Variants in INPP5B observed in about 807,000 individuals in gnomAD.
INPP5B encodes the protein inositol polyphosphate-5-phosphatase B, also known as type II inositol 1,4,5-trisphosphate 5-phosphatase.
In INPP5B, 90 loss-of-function variants were observed where a neutral mutation model predicts 118.5. The ratio of observed to expected loss-of-function variants is 0.76; its 90% CI spans 0.64 to 0.90. The LOEUF is 0.90. Ranked by LOEUF, INPP5B falls within the 40% of genes least tolerant of loss-of-function variation. INPP5B has a pLI of 0.00. For synonymous variants in INPP5B, 385 were observed against 418.9 expected (o/e 0.92, Z 0.99); for missense variants, 984 against 1,125.6 (o/e 0.87, Z 1.80).
chr1:37,879,542 C>T (rs139891304), intron 15 of INPP5B, among the ~76,000 whole-genome samples: 1,545 of 151,722 alleles, frequency 0.01, 28 homozygotes, highest in African/African-American at 0.035. Context: ...CTGAGGCAGG[C>T]GGATCACTTG....
intron 5 of INPP5B, among the ~76,000 whole-genome samples, 187 bp from the exon 6 acceptor site, chr1:37,940,985 CATCCCCT>C (rs1159302029): frequency 6.6e-6 from 1 of 152,152 alleles, no homozygotes; most frequent in Non-Finnish European, 1.5e-5. Flanking sequence ...AAATTAACAT[CATCCCCT>C]CTTTATACAG....
intron 17 of INPP5B, among the ~76,000 whole-genome samples, chr1:37,874,850 T>C (rs553611234): frequency 8.5e-5 from 13 of 152,270 alleles, no homozygotes; most frequent in African/African-American, 3.1e-4. Flanking sequence ...TTTGACTTTG[T>C]AGAATGTCAA....
chr1:37,865,736 C>T (rs1641987847), intron 22 of INPP5B, 25 bp downstream of exon 22: 1 of 1,610,166 alleles, frequency 6.2e-7, no homozygotes, highest in African/African-American at 1.3e-5. Context: ...GGGCTAACCA[C>T]ATGCTGCTCA....
At position 37,862,285 on chromosome 1, in the gene INPP5B, G is replaced by A. The variant is rs745882924; in HGVS notation, c.*30C>T. On this transcript the variant is annotated 3_prime_UTR_variant, in exon 24 of 24. Transcript: ENST00000373024. ...AAACAGGTGGGGCTGGTAATTGGCA[G>A]CCTCAAGTAAAATAGGAGGAGAGAG... 6.9e-7 allele frequency: 1 copy of A among 1,449,044 alleles called. No homozygotes were observed. Among genetic ancestry groups the A allele is most frequent in the Non-Finnish European group, 9.7e-7 (1 of 1,030,406 alleles). 89.8% of individuals were successfully genotyped at this position (1,449,044 alleles called of 1,614,324 possible).
At chr1:37,884,621 C>A (rs1387202521) in intron 13 of INPP5B, among the ~76,000 whole-genome samples, 2 of 151,996 alleles carry the variant, frequency 1.3e-5, no homozygotes, top group African/African-American at 4.8e-5. Context: ...ACTATAGCAG[C>A]CAGGGATTCT....
At chr1:37,916,234 C>T (rs1644855931) in intron 7 of INPP5B, among the ~76,000 whole-genome samples, 2 of 151,848 alleles carry the variant, frequency 1.3e-5, no homozygotes, top group South Asian at 4.2e-4. Flanking sequence ...GCTAGGATTA[C>T]AGGCACCCAC....
chr1:37,946,854 G>C (rs1319177851), intron 1 of INPP5B, 136 bp downstream of exon 1: 1 of 153,300 alleles, frequency 6.5e-6, no homozygotes, highest in Admixed American at 6.5e-5. Context: ...CCCCGCCCCA[G>C]CAGGCCCATT....
intron 20 of INPP5B, among the ~76,000 whole-genome samples, chr1:37,866,774 G>T (rs190982692): frequency 3.7e-4 from 56 of 152,244 alleles, no homozygotes; most frequent in Admixed American, 2.9e-3. Flanking sequence ...TATGGGTAGG[G>T]CACACATCAC....
intron 7 of INPP5B, among the ~76,000 whole-genome samples, chr1:37,899,112 C>T (rs185837739): frequency 6.4e-5 from 9 of 141,690 alleles, no homozygotes; most frequent in Admixed American, 3.7e-4. Flanking sequence ...ACCCGAGAGG[C>T]GGAGGTTGCA....
At chr1:37,892,362 C>G (rs892859596) in intron 7 of INPP5B, among the ~76,000 whole-genome samples, 3 of 152,148 alleles carry the variant, frequency 2.0e-5, no homozygotes, top group African/African-American at 7.2e-5. Flanking sequence ...GCCTTGAAAA[C>G]CAAAGAGCCC....
intron 7 of INPP5B, among the ~76,000 whole-genome samples, chr1:37,898,080 A>G (rs1469823900): frequency 6.6e-6 from 1 of 152,232 alleles, no homozygotes; most frequent in African/African-American, 2.4e-5. Context: ...CATATAATAA[A>G]ATATTAAGCA....
At chr1:37,932,171 C>T in intron 6 of INPP5B, 118 bp from the exon 7 acceptor site, 3 of 896,096 alleles carry the variant, frequency 3.3e-6, no homozygotes, top group Non-Finnish European at 4.7e-6. Context: ...GGGTTCTGTG[C>T]GCACTGAGGT....
chr1:37,933,453 CA>C (rs780875142), intron 6 of INPP5B, among the ~76,000 whole-genome samples: 1 of 152,144 alleles, frequency 6.6e-6, no homozygotes, highest in Non-Finnish European at 1.5e-5. Context: ...GAGGCTGAGG[CA>C]GGAGAATCCC....
At chr1:37,887,156 C>G (rs1183009959) in intron 11 of INPP5B, 152 bp from the exon 12 acceptor site, 2 of 759,034 alleles carry the variant, frequency 2.6e-6, no homozygotes, top group Admixed American at 4.7e-5. Flanking sequence ...ACCAAGCATG[C>G]TATGTGCTAA....
chr1:37,874,190 C>T lies in INPP5B; in HGVS notation c.1789-35G>A, dbSNP rs746058810. 12 of 1,486,550 alleles carry T rather than the reference C, an allele frequency of 8.1e-6. 1 individual carries two copies. In the Middle Eastern group the frequency reaches 5.4e-4, roughly 67 times the overall value. The allele number at this position is 1,486,550 out of a possible 1,614,324, so 92.1% of individuals were successfully genotyped here. ...AGCCCGGGGCCAGTGAAAACCAGTG[C>T]CCTTTCCTCAGCAACCTGCCCAGCC... On this transcript the variant is annotated intron_variant, in intron 17 of 23. Transcript: ENST00000373024.
At chr1:37,883,363 G>A in intron 13 of INPP5B, 4 of 985,412 alleles carry the variant, frequency 4.1e-6, no homozygotes, top group Non-Finnish European at 4.8e-6. Flanking sequence ...CTAGAGCAGA[G>A]TTCCTCTGAA....
intron 7 of INPP5B, among the ~76,000 whole-genome samples, chr1:37,915,260 T>C (rs1220672647): frequency 2.6e-5 from 4 of 152,218 alleles, no homozygotes; most frequent in African/African-American, 9.6e-5. Context: ...GAATTCAGAA[T>C]GTGGGAGATT....
At chr1:37,944,671 T>C (rs1289581210) in intron 3 of INPP5B, among the ~76,000 whole-genome samples, 1 of 151,146 alleles carries the variant, frequency 6.6e-6, no homozygotes, top group African/African-American at 2.4e-5. Context: ...AATCTCAAAC[T>C]CCTCGGCTCA....
At chr1:37,936,154 T>G (rs572803430) in intron 6 of INPP5B, among the ~76,000 whole-genome samples, 191 of 152,256 alleles carry the variant, frequency 1.3e-3, no homozygotes, top group African/African-American at 4.4e-3. Context: ...GCTAAGACCC[T>G]TCATGAGATG....
Sources: gnomAD v4.1 joint callset for allele counts (sites outside exome capture counted in the v4.1 genomes callset) on GRCh38, gnomAD v4.1.1 for gene constraint, MANE v1.5 for transcripts, NCBI Gene and HGNC (gene_info 2026-07-23, HGNC 2026-07-21) for gene names.